The following APOD variants were observed in gnomAD, a reference collection of about 807,000 sequenced individuals.
The protein encoded by APOD is apo-D.
Under a neutral mutation model 20.4 loss-of-function variants are expected in APOD, and 22 were observed. The observed-to-expected ratio is 1.08, with a 90% CI of 0.77 to 1.54. The LOEUF is 1.54. Among genes scored for constraint, APOD ranks in the 40% most tolerant of loss-of-function variants. APOD has a pLI of 0.00. For synonymous variants in APOD, 97 were observed against 92.4 expected (o/e 1.05, Z -0.29); for missense variants, 223 against 229.6 (o/e 0.97, Z 0.19).
intron 1 of APOD, among the ~76,000 whole-genome samples, chr3:195,581,934 C>T (rs983233921): frequency 2.9e-4 from 44 of 152,006 alleles, no homozygotes; most frequent in Admixed American, 1.8e-3. Flanking sequence ...CATGGGAGGC[C>T]GAGGCAGGTG....
chr3:195,569,084 G>A lies in APOD; in HGVS notation c.386C>T (p.Ala129Val). 1.9e-6 allele frequency: 3 copies of A among 1,614,156 alleles called. No individual in the cohort carries two copies. Among genetic ancestry groups the A allele is most frequent in the South Asian group, 1.1e-5 (1 of 91,082 alleles). ...WILATDYENY[A>V]LVYSCTCIIQ... ...GATGCAGGTACAGGAATACACGAGG[G>A]CATAGTTCTCATAGTCGGTGGCCAG... Residue 129 changes from alanine (A) to valine (V), a missense_variant, in exon 5 of 5, where the codon GCC becomes GTC. By Grantham distance (64) the Ala-to-Val change is moderately conservative. Transcript: ENST00000343267.
chr3:195,579,458 C>G lies in APOD; in HGVS notation c.4G>C (p.Val2Leu). M[V>L]MLLLLLSALA... ...GCGGAAAGCAGCAGCAGCAGCATCA[C>G]CATCTTGGGGCTGGGTGGCTGGAGA... Residue 2 changes from valine to leucine, a missense_variant, in exon 2 of 5, where the codon GTG becomes CTG. Physicochemically the swap from Val to Leu is conservative, Grantham distance 32. Transcript: ENST00000343267. 1 of 1,613,048 alleles carries G rather than the reference C, an allele frequency of 6.2e-7. No individual in the cohort carries two copies. The highest frequency in any genetic ancestry group is 1.1e-5 in the South Asian group (1 of 91,086).
intron 2 of APOD, among the ~76,000 whole-genome samples, 195 bp downstream of exon 2, chr3:195,579,144 C>T (rs1420418356): frequency 6.6e-6 from 1 of 152,226 alleles, no homozygotes; most frequent in South Asian, 2.1e-4. Context: ...TGCTCTCGTG[C>T]GTCCCGGGAT....
At chr3:195,579,118 G>A (rs979718071) in intron 2 of APOD, among the ~76,000 whole-genome samples, 1 of 152,156 alleles carries the variant, frequency 6.6e-6, no homozygotes. Flanking sequence ...TGCTGTCTCC[G>A]ACTCACCTTC....
intron 1 of APOD, among the ~76,000 whole-genome samples, chr3:195,581,247 GCAAGTCTGCC>G (rs1720333487): frequency 6.6e-6 from 1 of 152,116 alleles, no homozygotes; most frequent in Non-Finnish European, 1.5e-5. Context: ...GCCCCTTTGA[GCAAGTCTGCC>G]ACAGGGCCAC....
intron 1 of APOD, among the ~76,000 whole-genome samples, chr3:195,580,368 C>CTTTTTTTTTTTTTTTT (rs201305902): frequency 7.1e-6 from 1 of 140,642 alleles, no homozygotes; most frequent in Admixed American, 7.0e-5. Flanking sequence ...TTTCTTTCTT[C>CTTTTTTTTTTTTTTTT]TTTTTTTTTT....
chr3:195,571,210 C>G (rs756524547), intron 4 of APOD, 67 bp downstream of exon 4: 1 of 1,372,050 alleles, frequency 7.3e-7, no homozygotes, highest in East Asian at 2.3e-5. Context: ...TTCTCCAAGC[C>G]GGGGCGCTAG....
At position 195,568,827 on chromosome 3, in the gene APOD, T is replaced by G; in HGVS notation, c.*73A>C. The G allele has an allele frequency of 4.6e-6, 4 of 877,560 alleles. No homozygotes were observed. The highest frequency in any genetic ancestry group is 6.7e-6 in the Non-Finnish European group (4 of 598,094). The allele number at this position is 877,560 out of a possible 1,614,324, so 54.4% of individuals were successfully genotyped here. On this transcript the variant is annotated 3_prime_UTR_variant, in exon 5 of 5. Transcript: ENST00000343267. ...CTTTGTCGTGGTTGATTGGTTTGTC[T>G]TTATGGGGGGGGGGTAGGGGAAAGC...
intron 3 of APOD, 124 bp from the exon 4 acceptor site, chr3:195,571,489 C>G: frequency 2.5e-6 from 2 of 805,610 alleles, no homozygotes; most frequent in Non-Finnish European, 3.9e-6. Context: ...CAGCCAACAC[C>G]GTGATTTCTG....
Position 195,568,831 on chromosome 3 carries a change from T to A in APOD, c.*69A>T, listed in dbSNP as rs201398382. 5.6e-5 allele frequency: 50 copies of A among 898,526 alleles called. 1 individual carries two copies. In the African/African-American group the frequency reaches 1.1e-3, roughly 19 times the overall value. The allele number at this position is 898,526 out of a possible 1,614,324, so 55.7% of individuals were successfully genotyped here. On this transcript the variant is annotated 3_prime_UTR_variant, in exon 5 of 5. Coordinates refer to ENST00000343267, the MANE Select transcript of APOD (RefSeq NM_001647.4). Reference sequence around the variant, plus strand: ...GTCGTGGTTGATTGGTTTGTCTTTATGGGGGGGGGGTAGGGGAAAGCGAAG... The same window carrying A: ...GTCGTGGTTGATTGGTTTGTCTTTAAGGGGGGGGGGTAGGGGAAAGCGAAG...
chr3:195,569,060 A>G lies in APOD; in HGVS notation c.410T>C (p.Ile137Thr). ...AAAATCCACGTGAAAAAGTTGGATG[A>G]TGCAGGTACAGGAATACACGAGGGC... ...NYALVYSCTC[I>T]IQLFHVDFAW... is the part of the protein sequence containing the mutation. The change falls in exon 5 of 5, where the codon ATC becomes ACC. Residue 137 changes from isoleucine to threonine, a missense_variant. Transcript: ENST00000343267. 4 of 1,614,200 alleles carry G rather than the reference A, an allele frequency of 2.5e-6. 1 individual carries two copies. In the South Asian group the frequency reaches 4.4e-5, roughly 18 times the overall value.
At chr3:195,571,747 A>C (rs1224598208) in intron 3 of APOD, among the ~76,000 whole-genome samples, 2 of 152,158 alleles carry the variant, frequency 1.3e-5, no homozygotes, top group Non-Finnish European at 2.9e-5. Context: ...GAATGGAAAA[A>C]CAAACAAAAC....
At chr3:195,574,005 G>T (rs1455158380) in intron 2 of APOD, 34 bp from the exon 3 acceptor site, 1 of 1,609,084 alleles carries the variant, frequency 6.2e-7, no homozygotes, top group Non-Finnish European at 8.5e-7. Flanking sequence ...AAACCCTGTG[G>T]TTCTCTGGGG....
In APOD at chr3:195,573,907, T is replaced by C; in HGVS notation, c.188A>G (p.Gln63Arg). The change falls in exon 3 of 5, where the codon CAG (glutamine) becomes CGG (arginine). Residue 63 changes from glutamine (Q) to arginine (R), a missense_variant. Physicochemically the swap from Gln to Arg is conservative, Grantham distance 43 (BLOSUM62 1). Transcript: ENST00000343267. ...GTTTTCCATTAGTGAGTAGTTGGCC[T>C]GGATGCAGCGTCCATTCTCAAAGGT... is the stretch of plus-strand genomic sequence containing the variant. ...PTTFENGRCI[Q>R]ANYSLMENGK... 6.2e-7 allele frequency: 1 copy of C among 1,614,212 alleles called. No homozygotes were observed. Among genetic ancestry groups the C allele is most frequent in the Non-Finnish European group, 8.5e-7 (1 of 1,180,036 alleles).
chr3:195,578,960 C>A (rs1056527566), intron 2 of APOD, among the ~76,000 whole-genome samples: 2 of 152,202 alleles, frequency 1.3e-5, no homozygotes, highest in Admixed American at 6.5e-5. Context: ...GGGGGCTCAG[C>A]TAGAGCCACG....
intron 3 of APOD, among the ~76,000 whole-genome samples, chr3:195,573,515 G>A (rs1198445986): frequency 1.3e-5 from 2 of 152,228 alleles, no homozygotes; most frequent in Non-Finnish European, 2.9e-5. Flanking sequence ...GAACAAAGCT[G>A]GATGCTTCTG....
chr3:195,581,819 C>T (rs576996657), intron 1 of APOD, among the ~76,000 whole-genome samples: 96 of 152,286 alleles, frequency 6.3e-4, no homozygotes, highest in African/African-American at 2.2e-3. Context: ...CAGAACAACC[C>T]CTTTGACTGA....
chr3:195,573,231 G>C (rs1045077946), intron 3 of APOD, among the ~76,000 whole-genome samples: 9 of 152,210 alleles, frequency 5.9e-5, no homozygotes, highest in Admixed American at 5.2e-4. Context: ...TTTCAAGAGT[G>C]GAAGGTGGGT....
chr3:195,572,777 CAAG>C (rs1402659187), intron 3 of APOD, among the ~76,000 whole-genome samples: 15 of 150,854 alleles, frequency 9.9e-5, no homozygotes, highest in Non-Finnish European at 2.1e-4. Flanking sequence ...TTTGGGAGGC[CAAG>C]GGGGGGCGGA....
Sources: gnomAD v4.1 joint callset for allele counts (sites outside exome capture counted in the v4.1 genomes callset) on GRCh38, gnomAD v4.1.1 for gene constraint, MANE v1.5 for transcripts, NCBI Gene and HGNC (gene_info 2026-07-23, HGNC 2026-07-21) for gene names.